The following SAMMSON variants were observed in gnomAD, a reference collection of about 807,000 sequenced individuals.
SAMMSON encodes survival associated mitochondrial melanoma specific oncogenic non-coding RNA, also known as long intergenic non-protein coding RNA 1212.
At chr3:70,027,096 C>T (rs958338305) in intron 3 of SAMMSON, among the ~76,000 whole-genome samples, 3 of 152,060 alleles carry the variant, frequency 2.0e-5, no homozygotes, top group African/African-American at 4.8e-5. Context: ...TGATTCAGAA[C>T]GTTGAGGCAT....
chr3:70,044,036 T>C (rs1000804633), intron 3 of SAMMSON, among the ~76,000 whole-genome samples: 2 of 152,110 alleles, frequency 1.3e-5, no homozygotes, highest in Admixed American at 6.6e-5. Context: ...AGGGAAGATA[T>C]TCCTACGAAT....
intron 4 of SAMMSON, among the ~76,000 whole-genome samples, chr3:70,199,291 G>A (rs1456639196): frequency 6.6e-6 from 1 of 152,068 alleles, no homozygotes; most frequent in Non-Finnish European, 1.5e-5. Context: ...ACAACCTTTT[G>A]GTTCAATTGC....
intron 4 of SAMMSON, among the ~76,000 whole-genome samples, chr3:70,232,067 T>G (rs1016363309): frequency 6.6e-6 from 1 of 152,162 alleles, no homozygotes; most frequent in Non-Finnish European, 1.5e-5. Context: ...TATTCTGACA[T>G]AATGAACTGG....
downstream of SAMMSON, among the ~76,000 whole-genome samples, chr3:70,391,053 G>C (rs1451198794): frequency 6.6e-6 from 1 of 152,082 alleles, no homozygotes; most frequent in Non-Finnish European, 1.5e-5. Flanking sequence ...CCATATGTTG[G>C]GAAGAGTGAC....
chr3:70,407,296 T>G (rs1325900170), intron 2 of SAMMSON, among the ~76,000 whole-genome samples: 9 of 152,172 alleles, frequency 5.9e-5, no homozygotes, highest in African/African-American at 2.2e-4. Flanking sequence ...CAATCATACT[T>G]TCCCAACAGT....
intron 3 of SAMMSON, among the ~76,000 whole-genome samples, chr3:70,037,556 T>C (rs1559778165): frequency 6.6e-6 from 1 of 152,174 alleles, no homozygotes; most frequent in Admixed American, 6.6e-5. Flanking sequence ...ACAAATCTGG[T>C]GATATTATCT....
chr3:70,255,627 AT>A (rs1472913553), intron 6 of SAMMSON, among the ~76,000 whole-genome samples: 1 of 150,568 alleles, frequency 6.6e-6, no homozygotes, highest in Admixed American at 6.6e-5. Context: ...AAGCCTGGCT[AT>A]TTTTTTTTCC....
At chr3:70,322,335 C>T (rs1277237053) in intron 7 of SAMMSON, among the ~76,000 whole-genome samples, 1 of 152,040 alleles carries the variant, frequency 6.6e-6, no homozygotes, top group Admixed American at 6.6e-5. Flanking sequence ...CTGTCTTTCT[C>T]TTGAGGGAAG....
Position 70,342,852 on chromosome 3 carries a change from C to G in SAMMSON, n.740-11323C>G, listed in dbSNP as rs192354647. On this transcript the variant is annotated intron_variant and non_coding_transcript_variant, in intron 7 of 9. Transcript: ENST00000642114. The stretch of plus-strand genomic sequence containing the variant: ...TCTCTCCCTTGCCCTTTTTCTTTGG[C>G]CAGTGTTTGCATATTGTGGCAGTTA... Among the ~76,000 whole-genome samples the G allele has an allele frequency of 6.4e-3, 980 of 152,160 alleles. 9 individuals are homozygous for G. Among genetic ancestry groups the G allele is most frequent in the South Asian group, 0.012 (58 of 4,814 alleles).
chr3:70,213,155 A>G (rs1353289246), intron 4 of SAMMSON, among the ~76,000 whole-genome samples: 1 of 151,488 alleles, frequency 6.6e-6, no homozygotes, highest in African/African-American at 2.4e-5. Flanking sequence ...GTTTTTCTTT[A>G]TAGAGACAGG....
At chr3:70,205,085 A>G (rs1446390340) in intron 4 of SAMMSON, 2 of 152,130 alleles carry the variant, frequency 1.3e-5, no homozygotes, top group East Asian at 3.9e-4. Context: ...AAGTTGGCCC[A>G]ACGATGTGTT....
chr3:70,399,243 A>T (rs2106761767), intron 2 of SAMMSON, among the ~76,000 whole-genome samples: 1 of 152,306 alleles, frequency 6.6e-6, no homozygotes, highest in East Asian at 1.9e-4. Flanking sequence ...AATAGGACAC[A>T]CTAGTGGGCA....
chr3:70,381,807 G>T (rs1444236405), intron 9 of SAMMSON, among the ~76,000 whole-genome samples: 1 of 152,008 alleles, frequency 6.6e-6, no homozygotes, highest in Non-Finnish European at 1.5e-5. Flanking sequence ...GGGGAGAAAA[G>T]AACAGACAGG....
At chr3:70,061,534 A>G (rs2067190470) in intron 3 of SAMMSON, among the ~76,000 whole-genome samples, 1 of 152,150 alleles carries the variant, frequency 6.6e-6, no homozygotes, top group Non-Finnish European at 1.5e-5. Context: ...CTGCATGGGC[A>G]AAGCCTGAGC....
rs140651670 is a variant in SAMMSON, at chr3:70,136,563, T to C, written n.507+64998T>C. Among the ~76,000 whole-genome samples, 16 of 152,366 alleles carry C rather than the reference T, an allele frequency of 1.1e-4. 1 individual carries two copies. In the East Asian group the frequency reaches 3.1e-3, roughly 29 times the overall value. ...GCCAGAACCAACAGCTGAACGGTTC[T>C]TGAATGCTTGACGTACAGAAACTGT... On this transcript the variant is annotated intron_variant and non_coding_transcript_variant, in intron 4 of 9. Coordinates refer to ENST00000642114, the Ensembl canonical transcript of SAMMSON.
At chr3:70,102,984 A>G (rs1476617025) in intron 4 of SAMMSON, among the ~76,000 whole-genome samples, 2 of 152,012 alleles carry the variant, frequency 1.3e-5, no homozygotes, top group Admixed American at 1.3e-4. Flanking sequence ...ACTAAAAACC[A>G]TTTTTCTACT....
intron 4 of SAMMSON, among the ~76,000 whole-genome samples, chr3:70,078,402 C>T (rs1331996126): frequency 1.3e-5 from 2 of 152,092 alleles, no homozygotes; most frequent in Non-Finnish European, 2.9e-5. Flanking sequence ...GTGTGGTTCA[C>T]TAAGTCTCTG....
chr3:70,358,952 T>C (rs942710013), intron 9 of SAMMSON, among the ~76,000 whole-genome samples: 1 of 152,142 alleles, frequency 6.6e-6, no homozygotes, highest in Non-Finnish European at 1.5e-5. Flanking sequence ...TCTTATCTTG[T>C]GCACACAGTG....
At chr3:70,320,098 T>G (rs1702525971) in intron 7 of SAMMSON, among the ~76,000 whole-genome samples, 1 of 152,036 alleles carries the variant, frequency 6.6e-6, no homozygotes, top group Non-Finnish European at 1.5e-5. Flanking sequence ...CCAAACTTCC[T>G]TCAAGCTTGA....
Sources: allele counts gnomAD v4.1 joint callset (sites outside exome capture counted in the v4.1 genomes callset), GRCh38; gene constraint gnomAD v4.1.1; transcripts MANE v1.5; gene names NCBI Gene and HGNC (gene_info 2026-07-23, HGNC 2026-07-21).